The following ATP6V0D2 variants were observed in gnomAD, a reference collection of about 807,000 sequenced individuals.
ATP6V0D2 encodes V-type proton ATPase subunit d 2.
A neutral mutation model predicts 40.0 loss-of-function variants in ATP6V0D2; 40 were observed. The ratio of observed to expected loss-of-function variants is 1.00; its 90% CI spans 0.78 to 1.30. ATP6V0D2 has a LOEUF of 1.30. Ranked by LOEUF, ATP6V0D2 falls within the 50% of genes most tolerant of loss-of-function variation. ATP6V0D2 has a pLI of 0.00. For missense variants in ATP6V0D2, 470 were observed against 423.1 expected, an observed-to-expected ratio of 1.11 and a Z score of -0.97; for synonymous variants, 179 against 156.3, an observed-to-expected ratio of 1.15 and a Z score of -1.08.
chr8:86,098,958 T>A lies in ATP6V0D2; in HGVS notation c.-21T>A. ...GACTACAGAGCTGTTTCACCCTACC[T>A]TGGCTTCAATCTCTTCCCCCATGCT... On this transcript the variant is annotated 5_prime_UTR_variant, in exon 1 of 8. It adds an upstream start codon to the 5' untranslated region. Transcript: ENST00000285393. The A allele has an allele frequency of 6.2e-7, 1 of 1,611,708 alleles. No individual in the cohort carries two copies. Among genetic ancestry groups the A allele is most frequent in the East Asian group, 2.2e-5 (1 of 44,816 alleles).
chr8:86,106,319 G>T (rs576605438), intron 1 of ATP6V0D2, among the ~76,000 whole-genome samples: 17 of 152,128 alleles, frequency 1.1e-4, no homozygotes, highest in Admixed American at 1.1e-3. Context: ...CATTTGCAAA[G>T]ACAAGGTCTC....
At chr8:86,117,056 T>C (rs754402018) in intron 2 of ATP6V0D2, among the ~76,000 whole-genome samples, 15 of 152,240 alleles carry the variant, frequency 9.9e-5, no homozygotes, top group Non-Finnish European at 2.1e-4. Flanking sequence ...CAGTTTTTAA[T>C]GACATATAAC....
At chr8:86,119,672 A>T (rs1228748055) in intron 2 of ATP6V0D2, among the ~76,000 whole-genome samples, 4 of 152,238 alleles carry the variant, frequency 2.6e-5, no homozygotes, top group Admixed American at 6.5e-5. Context: ...ATTTCTAGTT[A>T]TAAGCAGTAT....
chr8:86,131,254 C>T (rs2006725), intron 2 of ATP6V0D2, among the ~76,000 whole-genome samples: 131,714 of 152,036 alleles, frequency 0.87, 57,338 homozygotes, highest in African/African-American at 0.94. Flanking sequence ...GGCTGGAGTT[C>T]AGTGGTGCAA....
chr8:86,099,567 C>T (rs1325205331), intron 1 of ATP6V0D2, among the ~76,000 whole-genome samples: 1 of 152,176 alleles, frequency 6.6e-6, no homozygotes, highest in Non-Finnish European at 1.5e-5. Flanking sequence ...GATCTTGGCT[C>T]ACCACAACCT....
chr8:86,137,942 G>T (rs1818919447), intron 2 of ATP6V0D2, among the ~76,000 whole-genome samples: 1 of 152,154 alleles, frequency 6.6e-6, no homozygotes, highest in Admixed American at 6.5e-5. Context: ...TTTTTGTAAA[G>T]CACCTCATTG....
chr8:86,115,491 C>T (rs1818581635), intron 2 of ATP6V0D2, among the ~76,000 whole-genome samples: 2 of 150,094 alleles, frequency 1.3e-5, no homozygotes, highest in African/African-American at 4.9e-5. Context: ...GCCTCAGCCT[C>T]CTAAGTAGCT....
At chr8:86,123,501 A>G (rs1008087811) in intron 2 of ATP6V0D2, among the ~76,000 whole-genome samples, 3 of 152,204 alleles carry the variant, frequency 2.0e-5, no homozygotes, top group African/African-American at 7.2e-5. Context: ...CAGAGAAACA[A>G]TAGAGGAAGC....
At chr8:86,103,971 G>A (rs60178903) in intron 1 of ATP6V0D2, among the ~76,000 whole-genome samples, 2,187 of 151,974 alleles carry the variant, frequency 0.014, 44 homozygotes, top group African/African-American at 0.048. Flanking sequence ...GACTACAGGC[G>A]TGCACCACCA....
chr8:86,151,592 T>C, intron 7 of ATP6V0D2, 52 bp downstream of exon 7: 2 of 1,432,124 alleles, frequency 1.4e-6, no homozygotes, highest in Non-Finnish European at 1.9e-6. Flanking sequence ...ACTGTGGATT[T>C]TATATATTTT....
chr8:86,099,164 C>A, intron 1 of ATP6V0D2, 56 bp downstream of exon 1: 1 of 1,508,052 alleles, frequency 6.6e-7, no homozygotes, highest in Non-Finnish European at 8.9e-7. Flanking sequence ...GAAATGATGT[C>A]CCTCTCCAGA....
Position 86,142,963 on chromosome 8 carries a change from G to T in ATP6V0D2, c.639+9G>T. ...TGTGTCCCATTCTTGAGGTAAGAAA[G>T]AGTCCTTGAATTTTGTTATGCTAAA... On this transcript the variant is annotated intron_variant, in intron 5 of 7. Transcript: ENST00000285393. 6.3e-7 allele frequency: 1 copy of T among 1,591,622 alleles called. No individual in the cohort carries two copies. The highest frequency in any genetic ancestry group is 8.6e-7 in the Non-Finnish European group (1 of 1,163,022).
At chr8:86,118,021 TCTTTC>T (rs1818614373) in intron 2 of ATP6V0D2, among the ~76,000 whole-genome samples, 1 of 126,970 alleles carries the variant, frequency 7.9e-6, no homozygotes, top group South Asian at 2.1e-4. Flanking sequence ...TTTCTTTCTT[TCTTTC>T]TTTTTTTTTC....
At chr8:86,136,014 G>T (rs1416700219) in intron 2 of ATP6V0D2, among the ~76,000 whole-genome samples, 1 of 152,128 alleles carries the variant, frequency 6.6e-6, no homozygotes, top group African/African-American at 2.4e-5. Context: ...TGGTACCTAT[G>T]TGTGATGGAG....
chr8:86,134,381 G>A (rs1818868541), intron 2 of ATP6V0D2, among the ~76,000 whole-genome samples: 1 of 152,046 alleles, frequency 6.6e-6, no homozygotes, highest in Admixed American at 6.6e-5. Context: ...AAAAAAGAAA[G>A]GACAACAGAA....
At chr8:86,134,687 A>G (rs1438438171) in intron 2 of ATP6V0D2, among the ~76,000 whole-genome samples, 1 of 152,232 alleles carries the variant, frequency 6.6e-6, no homozygotes, top group Non-Finnish European at 1.5e-5. Flanking sequence ...TCCAAGAATA[A>G]TAAAACTTAT....
At chr8:86,151,607 C>A in intron 7 of ATP6V0D2, 67 bp downstream of exon 7, 2 of 1,341,114 alleles carry the variant, frequency 1.5e-6, no homozygotes, top group Admixed American at 2.1e-5. Flanking sequence ...TATTTTCTTA[C>A]TTTGGGTTTT....
At chr8:86,145,370 GAAGGAAAGA>G (rs1323474793) in intron 5 of ATP6V0D2, among the ~76,000 whole-genome samples, 1,257 of 70,542 alleles carry the variant, frequency 0.018, 32 homozygotes, top group African/African-American at 0.081. Context: ...AGGAAGGAAG[GAAGGAAAGA>G]AAAGAAAAGA....
chr8:86,132,532 T>G (rs913897200), intron 2 of ATP6V0D2, among the ~76,000 whole-genome samples: 2 of 152,172 alleles, frequency 1.3e-5, no homozygotes, highest in African/African-American at 4.8e-5. Flanking sequence ...TCATTACCTT[T>G]ATGAGATCAA....
Sources: allele counts gnomAD v4.1 joint callset (sites outside exome capture counted in the v4.1 genomes callset), GRCh38; gene constraint gnomAD v4.1.1; transcripts MANE v1.5; gene names NCBI Gene and HGNC (gene_info 2026-07-23, HGNC 2026-07-21).